The following ASAH2 variants were observed in gnomAD, a reference collection of about 807,000 sequenced individuals.
ASAH2 encodes N-acylsphingosine amidohydrolase 2.
In ASAH2, 58 loss-of-function variants were observed where a neutral mutation model predicts 82.9. The ratio of observed to expected loss-of-function variants is 0.70; its 90% CI spans 0.57 to 0.87. ASAH2 has a LOEUF of 0.87. Ranked by LOEUF, ASAH2 falls within the 40% of genes least tolerant of loss-of-function variation. The pLI, the probability that ASAH2 is intolerant of heterozygous loss-of-function variation, is 0.00. For synonymous variants in ASAH2, 276 were observed against 289.7 expected, an observed-to-expected ratio of 0.95 and a Z score of 0.48; for missense variants, 779 against 834.0, an observed-to-expected ratio of 0.93 and a Z score of 0.81.
chr10:50,230,566 G>A (rs1845997183), intron 7 of ASAH2, among the ~76,000 whole-genome samples: 1 of 152,102 alleles, frequency 6.6e-6, no homozygotes, highest in Non-Finnish European at 1.5e-5. Flanking sequence ...ATAACATACG[G>A]CAGCTCAGAA....
chr10:50,196,376 T>G (rs1844983441), intron 18 of ASAH2, among the ~76,000 whole-genome samples: 3 of 151,502 alleles, frequency 2.0e-5, no homozygotes, highest in African/African-American at 7.3e-5. Flanking sequence ...TACTCATCCC[T>G]CCTCCCCCCA....
Position 50,210,860 on chromosome 10 carries a change from G to A in ASAH2, c.1377C>T (p.Gly459=), listed in dbSNP as rs1264892125. 1 of 1,613,596 alleles carries A rather than the reference G, an allele frequency of 6.2e-7. No homozygotes were observed. Among genetic ancestry groups the A allele is most frequent in the Non-Finnish European group, 8.5e-7 (1 of 1,179,600 alleles). The part of the protein sequence containing the change: ...KPALGYSFAA[G]TIDGVGGLNF... ...TGAGGCCTCCAACTCCATCAATAGTGCCAGCTGCAAAACTGTAGCCCAATG... is the reference window on the plus strand; with the variant it reads ...TGAGGCCTCCAACTCCATCAATAGTACCAGCTGCAAAACTGTAGCCCAATG... The change falls in exon 12 of 21, where the codon GGC becomes GGT. Residue 459 remains glycine (G), a synonymous_variant. Coordinates refer to ENST00000682911, the MANE Select transcript of ASAH2 (RefSeq NM_019893.4).
At chr10:50,226,015 C>T (rs1434308520) in intron 7 of ASAH2, among the ~76,000 whole-genome samples, 1 of 151,954 alleles carries the variant, frequency 6.6e-6, no homozygotes, top group African/African-American at 2.4e-5. Context: ...ATCGCTTGAA[C>T]CCAGGAGGTG....
chr10:50,215,551 CAG>C (rs1845570824), intron 8 of ASAH2, among the ~76,000 whole-genome samples: 1 of 152,158 alleles, frequency 6.6e-6, no homozygotes, highest in East Asian at 1.9e-4. Context: ...ATTTATTAAA[CAG>C]GGGATCCTTT....
chr10:50,196,319 A>T (rs1239480743), intron 18 of ASAH2, among the ~76,000 whole-genome samples: 6 of 151,970 alleles, frequency 3.9e-5, no homozygotes, highest in Non-Finnish European at 7.4e-5. Context: ...TTCACAGATG[A>T]CATGATACTA....
At chr10:50,204,806 C>T (rs981118589) in intron 14 of ASAH2, 55 bp downstream of exon 14, 1 of 1,318,838 alleles carries the variant, frequency 7.6e-7, no homozygotes. Flanking sequence ...GAAGCAATTC[C>T]AACAGAACAT....
At chr10:50,206,738 G>T (rs924117763) in intron 12 of ASAH2, among the ~76,000 whole-genome samples, 1 of 151,782 alleles carries the variant, frequency 6.6e-6, no homozygotes, top group Non-Finnish European at 1.5e-5. Flanking sequence ...AATGAAGAAA[G>T]AAATACACAT....
chr10:50,232,407 G>A (rs928940740), intron 7 of ASAH2, among the ~76,000 whole-genome samples: 8 of 152,052 alleles, frequency 5.3e-5, no homozygotes, highest in Non-Finnish European at 1.0e-4. Flanking sequence ...AGAGCCCAGA[G>A]TGAACCCAAG....
chr10:50,227,589 GTTTTC>G (rs1242926256), intron 7 of ASAH2, among the ~76,000 whole-genome samples: 1 of 151,282 alleles, frequency 6.6e-6, no homozygotes, highest in Non-Finnish European at 1.5e-5. Context: ...TATTTTTCAA[GTTTTC>G]TATGGTAAGC....
At chr10:50,194,985 GT>G (rs1413556011) in intron 18 of ASAH2, among the ~76,000 whole-genome samples, 141 of 142,446 alleles carry the variant, frequency 9.9e-4, no homozygotes, top group East Asian at 4.9e-3. Context: ...TGTAGGCGAT[GT>G]TTTTTTTTTT....
intron 1 of ASAH2, among the ~76,000 whole-genome samples, chr10:50,249,063 G>A (rs564498149): frequency 2.1e-3 from 317 of 152,302 alleles, no homozygotes; most frequent in Non-Finnish European, 3.8e-3. Flanking sequence ...TCTTGTATTT[G>A]GGAGAAGGCT....
chr10:50,233,928 C>T (rs911065170), intron 6 of ASAH2, among the ~76,000 whole-genome samples: 20 of 152,096 alleles, frequency 1.3e-4, no homozygotes, highest in African/African-American at 4.8e-4. Context: ...TGTCCATATT[C>T]TTTATCCTTT....
chr10:50,202,666 C>G (rs986265641), intron 16 of ASAH2, among the ~76,000 whole-genome samples, 163 bp downstream of exon 16: 5 of 152,030 alleles, frequency 3.3e-5, no homozygotes, highest in Admixed American at 2.6e-4. Flanking sequence ...ATTTGAAACT[C>G]TTAAATACGG....
At chr10:50,213,603 T>A (rs1368673149) in intron 9 of ASAH2, among the ~76,000 whole-genome samples, 1 of 152,088 alleles carries the variant, frequency 6.6e-6, no homozygotes, top group Non-Finnish European at 1.5e-5. Flanking sequence ...AAAATATGGA[T>A]AAACATATTT....
At chr10:50,235,295 C>A (rs1403080452) in intron 5 of ASAH2, among the ~76,000 whole-genome samples, 3 of 151,722 alleles carry the variant, frequency 2.0e-5, no homozygotes, top group Non-Finnish European at 4.4e-5. Flanking sequence ...GCCTGGAATA[C>A]AATAAAATGA....
At chr10:50,231,108 G>T (rs1263648083) in intron 7 of ASAH2, among the ~76,000 whole-genome samples, 1 of 151,392 alleles carries the variant, frequency 6.6e-6, no homozygotes, top group Admixed American at 6.6e-5. Flanking sequence ...TGGTCCTTCA[G>T]CCAAGAGTAA....
intron 10 of ASAH2, 92 bp from the exon 11 acceptor site, chr10:50,211,226 G>C: frequency 1.0e-6 from 1 of 960,270 alleles, no homozygotes; most frequent in Non-Finnish European, 1.7e-6. Flanking sequence ...ATGCAATTTG[G>C]AAATGCATCT....
intron 5 of ASAH2, 109 bp from the exon 6 acceptor site, chr10:50,234,661 A>C: frequency 6.9e-7 from 1 of 1,441,080 alleles, no homozygotes; most frequent in Non-Finnish European, 9.7e-7. Context: ...TTTGTCTCTA[A>C]TGGGTCCACA....
At chr10:50,220,228 A>G (rs1368029887) in intron 7 of ASAH2, among the ~76,000 whole-genome samples, 5 of 152,210 alleles carry the variant, frequency 3.3e-5, no homozygotes, top group Admixed American at 2.0e-4. Context: ...GTTGGTTGTA[A>G]TAAATGATTG....
Sources: gnomAD v4.1 joint callset for allele counts (sites outside exome capture counted in the v4.1 genomes callset) on GRCh38, gnomAD v4.1.1 for gene constraint, MANE v1.5 for transcripts, NCBI Gene and HGNC (gene_info 2026-07-23, HGNC 2026-07-21) for gene names.